KLHL20: variants seen among roughly 807,000 people sequenced by gnomAD.
KLHL20 encodes kelch like family member 20.
In KLHL20, 29 loss-of-function variants were observed where a neutral mutation model predicts 69.5. That is an observed-to-expected ratio of 0.42 (90% CI 0.31 to 0.57). The LOEUF is 0.57. KLHL20 is among the 20% of genes least tolerant of loss of function. KLHL20 has a pLI of 0.18. For missense variants in KLHL20, 419 were observed against 776.0 expected, an observed-to-expected ratio of 0.54 and a Z score of 5.47; for synonymous variants, 253 against 265.2, an observed-to-expected ratio of 0.95 and a Z score of 0.45.
At chr1:173,737,820 A>G (rs1263526719) in intron 3 of KLHL20, among the ~76,000 whole-genome samples, 1 of 152,136 alleles carries the variant, frequency 6.6e-6, no homozygotes, top group Non-Finnish European at 1.5e-5. Context: ...CATTTTCACA[A>G]TATTGATTCT....
chr1:173,715,121 G>A (rs1053649505), intron 1 of KLHL20, 43 bp downstream of exon 1: 8 of 152,464 alleles, frequency 5.2e-5, no homozygotes, highest in South Asian at 2.1e-4. Flanking sequence ...AGCGGACAGC[G>A]CCCCAGGGCT....
rs138892772 is a variant in KLHL20 at position 173,737,829 on chromosome 1, C to G, written c.597+3543C>G. Among the ~76,000 whole-genome samples, 584 of 152,264 alleles carry G rather than the reference C, an allele frequency of 3.8e-3. 4 individuals are homozygous for G. The highest frequency in any genetic ancestry group is 0.012 in the African/African-American group (502 of 41,540). ...TATAGACATTTTCACAATATTGATT[C>G]TACCCATTCATGAGCATGAGATGTG... On this transcript the variant is annotated intron_variant, in intron 3 of 11. Coordinates refer to ENST00000209884, the MANE Select transcript of KLHL20 (RefSeq NM_014458.4).
At chr1:173,766,116 C>G in intron 7 of KLHL20, 30 bp from the exon 8 acceptor site, 1 of 1,528,310 alleles carries the variant, frequency 6.5e-7, no homozygotes, top group Non-Finnish European at 8.8e-7. Context: ...TTGTGTAATA[C>G]AAACTCTCCT....
chr1:173,726,528 A>T (rs1671970732), intron 2 of KLHL20, among the ~76,000 whole-genome samples: 1 of 152,090 alleles, frequency 6.6e-6, no homozygotes, highest in South Asian at 2.1e-4. Context: ...CCTCCAACGG[A>T]CGGGTACTCC....
At chr1:173,721,733 TG>T (rs1388712336) in intron 2 of KLHL20, among the ~76,000 whole-genome samples, 3 of 152,240 alleles carry the variant, frequency 2.0e-5, no homozygotes. Flanking sequence ...CTTGGCCTTC[TG>T]GTGTGGAATC....
intron 10 of KLHL20, among the ~76,000 whole-genome samples, chr1:173,776,205 A>G (rs1156953606): frequency 6.6e-6 from 1 of 152,170 alleles, no homozygotes; most frequent in Non-Finnish European, 1.5e-5. Flanking sequence ...ACCTTTTCAT[A>G]TACCTGTTTG....
intron 3 of KLHL20, among the ~76,000 whole-genome samples, chr1:173,746,319 C>A (rs1673057034): frequency 6.6e-6 from 1 of 152,098 alleles, no homozygotes; most frequent in Admixed American, 6.5e-5. Flanking sequence ...TCTTCATGTT[C>A]TGTGCTCTGA....
At chr1:173,748,865 T>A (rs1362451543) in intron 3 of KLHL20, among the ~76,000 whole-genome samples, 1 of 152,214 alleles carries the variant, frequency 6.6e-6, no homozygotes, top group Non-Finnish European at 1.5e-5. Flanking sequence ...TCAGAACTCA[T>A]TGAGCTATAC....
rs923930278 is a variant in KLHL20 at position 173,783,897 on chromosome 1, G to A, written c.1746-1266G>A. ...AAAAAAAAGATTTACTAAGTGCTCCGAGCCCTGGGGATACAAAACTGAACA... is the reference window on the plus strand; with the variant it reads ...AAAAAAAAGATTTACTAAGTGCTCCAAGCCCTGGGGATACAAAACTGAACA... On this transcript the variant is annotated intron_variant, in intron 11 of 11. Transcript: ENST00000209884. Among the ~76,000 whole-genome samples, 12 of 150,230 alleles carry A rather than the reference G, an allele frequency of 8.0e-5. No individual in the cohort carries two copies. In the South Asian group the frequency reaches 1.9e-3, roughly 24 times the overall value.
intron 2 of KLHL20, among the ~76,000 whole-genome samples, chr1:173,729,296 A>C (rs923995253): frequency 2.6e-5 from 4 of 152,214 alleles, no homozygotes; most frequent in Admixed American, 2.6e-4. Flanking sequence ...CCAGAGGTAC[A>C]AGGAGGAGCT....
intron 7 of KLHL20, among the ~76,000 whole-genome samples, chr1:173,762,164 TAAATC>T (rs1647351128): frequency 1.3e-5 from 2 of 152,034 alleles, no homozygotes; most frequent in Middle Eastern, 3.2e-3. Context: ...CCTCCTATCT[TAAATC>T]AGGAAGAATT....
chr1:173,774,284 G>C, intron 8 of KLHL20, 21 bp from the exon 9 acceptor site: 1 of 1,614,124 alleles, frequency 6.2e-7, no homozygotes, highest in Non-Finnish European at 8.5e-7. Flanking sequence ...CAAGCATACA[G>C]TCTGGTTTCC....
chr1:173,782,239 T>C lies in KLHL20; in HGVS notation c.1745+9T>C. The C allele has an allele frequency of 6.3e-7, 1 of 1,594,734 alleles. No homozygotes were observed. Among genetic ancestry groups the C allele is most frequent in the Non-Finnish European group, 8.6e-7 (1 of 1,162,374 alleles). Reference sequence around the variant, plus strand: ...GATGCCAATACATGGAGGTAACTTTTAAGCTGTGTAGCAAATCACCTCACT... The same window carrying C: ...GATGCCAATACATGGAGGTAACTTTCAAGCTGTGTAGCAAATCACCTCACT... On this transcript the variant is annotated intron_variant, in intron 11 of 11. Coordinates refer to ENST00000209884, the MANE Select transcript of KLHL20 (RefSeq NM_014458.4).
In KLHL20 at chr1:173,729,423, A is replaced by G. The variant is rs181946223; in HGVS notation, c.24-4290A>G. Among the ~76,000 whole-genome samples the G allele has an allele frequency of 4.4e-3, 677 of 152,296 alleles. 5 individuals carry two copies. The highest frequency in any genetic ancestry group is 0.015 in the African/African-American group (637 of 41,572). On this transcript the variant is annotated intron_variant, in intron 2 of 11. Coordinates refer to ENST00000209884, the MANE Select transcript of KLHL20 (RefSeq NM_014458.4). ...AAGCTTGGCAGAGACACAACCAAAA[A>G]AGAGAATTTTAGACCAATATCCCTG...
At chr1:173,766,787 T>G (rs1288252454) in intron 8 of KLHL20, among the ~76,000 whole-genome samples, 3 of 151,886 alleles carry the variant, frequency 2.0e-5, no homozygotes, top group East Asian at 3.9e-4. Flanking sequence ...CTAAAAAAAG[T>G]TTTTTTTAAT....
At chr1:173,726,750 C>T (rs578178782) in intron 2 of KLHL20, among the ~76,000 whole-genome samples, 6 of 152,214 alleles carry the variant, frequency 3.9e-5, no homozygotes, top group Admixed American at 2.0e-4. Flanking sequence ...CCCATCTGTA[C>T]GTCACCATCA....
intron 3 of KLHL20, chr1:173,741,797 T>C: frequency 1.3e-6 from 2 of 1,555,514 alleles, no homozygotes; most frequent in Non-Finnish European, 1.7e-6. Flanking sequence ...CAGGATGCTA[T>C]AAAATCACCA....
intron 2 of KLHL20, among the ~76,000 whole-genome samples, chr1:173,728,138 A>G (rs894234600): frequency 6.6e-5 from 10 of 152,286 alleles, no homozygotes; most frequent in Non-Finnish European, 1.0e-4. Flanking sequence ...CAAAGATCAA[A>G]AGAGACAAGG....
chr1:173,781,455 A>G (rs1648869967), intron 10 of KLHL20, among the ~76,000 whole-genome samples: 1 of 152,074 alleles, frequency 6.6e-6, no homozygotes, highest in Non-Finnish European at 1.5e-5. Context: ...AGCCGGGACT[A>G]CAGGTATGCC....
Sources: gnomAD v4.1 joint callset for allele counts (sites outside exome capture counted in the v4.1 genomes callset) on GRCh38, gnomAD v4.1.1 for gene constraint, MANE v1.5 for transcripts, NCBI Gene and HGNC (gene_info 2026-07-23, HGNC 2026-07-21) for gene names.